Variants in ATP8B4 observed in about 807,000 individuals in gnomAD.
The protein encoded by ATP8B4 is ATPase phospholipid transporting 8B4 (putative).
In ATP8B4, 133 loss-of-function variants were observed where a neutral mutation model predicts 145.6. The observed-to-expected ratio is 0.91, with a 90% CI of 0.79 to 1.05. The LOEUF is 1.05. Among genes scored for constraint, ATP8B4 ranks in the 50% least tolerant of loss-of-function variants. ATP8B4 has a pLI of 0.00. For missense variants in ATP8B4, 1,458 were observed against 1,425.2 expected, an observed-to-expected ratio of 1.02 and a Z score of -0.37; for synonymous variants, 507 against 492.9, an observed-to-expected ratio of 1.03 and a Z score of -0.38.
chr15:49,970,334 C>G (rs1035102170), intron 13 of ATP8B4, among the ~76,000 whole-genome samples: 1 of 152,162 alleles, frequency 6.6e-6, no homozygotes, highest in East Asian at 1.9e-4. Flanking sequence ...ATCAAATTGT[C>G]TCTGTTTGCA....
At chr15:50,056,693 GTATATGTGTATATATA>G (rs2052623318) in intron 3 of ATP8B4, among the ~76,000 whole-genome samples, 1 of 140,608 alleles carries the variant, frequency 7.1e-6, no homozygotes, top group Admixed American at 7.0e-5. Flanking sequence ...ATATGTATAT[GTATATGTGTATATATA>G]TATATATACA....
intron 1 of ATP8B4, among the ~76,000 whole-genome samples, chr15:50,178,739 T>C (rs879899801): frequency 1.3e-5 from 2 of 152,230 alleles, no homozygotes; most frequent in African/African-American, 2.4e-5. Context: ...TTATTGTTAC[T>C]GTCTTTAAAA....
At chr15:49,970,730 C>G (rs1161784867) in intron 13 of ATP8B4, among the ~76,000 whole-genome samples, 1 of 152,180 alleles carries the variant, frequency 6.6e-6, no homozygotes. Flanking sequence ...CTATCCCCAT[C>G]AAGCTACCAT....
intron 2 of ATP8B4, among the ~76,000 whole-genome samples, chr15:50,093,951 G>C (rs2055784222): frequency 6.6e-6 from 1 of 152,102 alleles, no homozygotes; most frequent in Non-Finnish European, 1.5e-5. Flanking sequence ...CTCTAAATTT[G>C]TATGCATCCA....
At chr15:50,150,622 G>A (rs1295112827) in intron 1 of ATP8B4, among the ~76,000 whole-genome samples, 1 of 152,186 alleles carries the variant, frequency 6.6e-6, no homozygotes, top group Non-Finnish European at 1.5e-5. Context: ...GAAGCTCTCA[G>A]GCTAGCCTAC....
intron 1 of ATP8B4, 26 bp from the exon 2 acceptor site, chr15:50,107,034 G>C (rs760677020): frequency 9.1e-6 from 13 of 1,423,438 alleles, no homozygotes; most frequent in Non-Finnish European, 1.0e-5. Flanking sequence ...ATGCATATTA[G>C]TATCTGAAAA....
At chr15:49,922,633 G>A (rs899550210) in intron 17 of ATP8B4, among the ~76,000 whole-genome samples, 1 of 152,154 alleles carries the variant, frequency 6.6e-6, no homozygotes, top group African/African-American at 2.4e-5. Flanking sequence ...AGAAACCAAT[G>A]AGAAAATGAC....
chr15:49,948,431 AGAGT>A (rs757276871), intron 14 of ATP8B4, among the ~76,000 whole-genome samples: 2 of 152,184 alleles, frequency 1.3e-5, no homozygotes, highest in Non-Finnish European at 2.9e-5. Flanking sequence ...CCTGGGTGAC[AGAGT>A]GAGACTCTGT....
Position 50,073,031 on chromosome 15 carries a change from C to T in ATP8B4, c.87+1096G>A, listed in dbSNP as rs1375714128. Among the ~76,000 whole-genome samples the T allele has an allele frequency of 5.5e-4, 64 of 117,182 alleles. 1 individual carries two copies. Among genetic ancestry groups the T allele is most frequent in the African/African-American group, 2.2e-3 (56 of 25,126 alleles). 76.9% of individuals were successfully genotyped at this position (117,182 alleles called of 152,430 possible). ...ATATATATATATATACACACACACACACACACACACACACACACACACTAT... is the reference window on the plus strand; with the variant it reads ...ATATATATATATATACACACACACATACACACACACACACACACACACTAT... On this transcript the variant is annotated intron_variant, in intron 3 of 27. Transcript: ENST00000284509.
intron 6 of ATP8B4, among the ~76,000 whole-genome samples, chr15:50,020,654 A>AACC (rs1192091989): frequency 2.6e-5 from 4 of 152,026 alleles, no homozygotes; most frequent in South Asian, 2.1e-4. Context: ...CCAGGCAGAA[A>AACC]ACCACCACCA....
At chr15:49,989,263 C>A (rs1164870840) in intron 9 of ATP8B4, among the ~76,000 whole-genome samples, 1 of 152,106 alleles carries the variant, frequency 6.6e-6, no homozygotes, top group Non-Finnish European at 1.5e-5. Flanking sequence ...AATTCAGTAT[C>A]TTTTTTTCTT....
upstream of ATP8B4, among the ~76,000 whole-genome samples, chr15:50,120,891 C>T (rs2057262772): frequency 6.6e-6 from 1 of 152,158 alleles, no homozygotes. Flanking sequence ...AGCTCCTACA[C>T]TTATCTGGGC....
chr15:50,149,200 G>A (rs1243598405), intron 1 of ATP8B4, among the ~76,000 whole-genome samples: 1 of 152,184 alleles, frequency 6.6e-6, no homozygotes, highest in Admixed American at 6.5e-5. Flanking sequence ...ATAATGCCAT[G>A]ATTGATTGGC....
intron 27 of ATP8B4, 90 bp downstream of exon 27, chr15:49,862,155 C>A: frequency 6.8e-7 from 1 of 1,462,040 alleles, no homozygotes; most frequent in Non-Finnish European, 9.3e-7. Flanking sequence ...ATTTCATTAG[C>A]CCATCTCTGA....
At position 49,934,145 on chromosome 15, in the gene ATP8B4, G is replaced by A. The variant is rs367926530; in HGVS notation, c.1325C>T (p.Ala442Val). 21 of 1,611,640 alleles carry A rather than the reference G, an allele frequency of 1.3e-5. No individual in the cohort carries two copies. The highest frequency in any genetic ancestry group is 5.5e-5 in the South Asian group (5 of 90,786). ...GTCAAAGAACTGAAATTCTCTATCC[G>A]CTTGAGATTTGACTGAGAAATCCAC... ...EPVDFSVKSQ[A>V]DREFQFFDHH... is the part of the protein sequence containing the mutation. The change falls in exon 15 of 28, where the codon GCG becomes GTG. Residue 442 changes from alanine (A) to valine (V), a missense_variant. Physicochemically the swap from Ala to Val is moderately conservative, Grantham distance 64. Coordinates refer to ENST00000284509, the MANE Select transcript of ATP8B4 (RefSeq NM_024837.4).
chr15:50,113,083 CT>C (rs1038208108), intron 1 of ATP8B4: 1 of 152,728 alleles, frequency 6.5e-6, no homozygotes, highest in African/African-American at 2.4e-5. Flanking sequence ...CCCTCTGGCC[CT>C]AGGTTCCCAG....
At chr15:49,885,282 A>G (rs1440561985) in intron 23 of ATP8B4, among the ~76,000 whole-genome samples, 4 of 152,192 alleles carry the variant, frequency 2.6e-5, no homozygotes, top group African/African-American at 9.7e-5. Flanking sequence ...CAAGGTATTC[A>G]TATGGAAGTT....
At chr15:49,922,368 T>C in intron 17 of ATP8B4, 1 of 446,706 alleles carries the variant, frequency 2.2e-6, no homozygotes, top group Non-Finnish European at 4.5e-6. Flanking sequence ...TCCAGTGTTG[T>C]GTTCATTAAA....
rs561050690 is a variant in ATP8B4 at position 50,002,641 on chromosome 15, A to C, written c.436-418T>G. On this transcript the variant is annotated intron_variant, in intron 7 of 27. Coordinates refer to ENST00000284509, the MANE Select transcript of ATP8B4 (RefSeq NM_024837.4). ...AGCAGGCAAAGGAGATGGGGAAAAG[A>C]CAGAAGGGAAATAGATGGAGGAAAC... Among the ~76,000 whole-genome samples, 6 of 152,186 alleles carry C rather than the reference A, an allele frequency of 3.9e-5. No homozygotes were observed. The South Asian group carries it at 6.2e-4, about 16-fold the overall frequency.
Sources: allele counts gnomAD v4.1 joint callset (sites outside exome capture counted in the v4.1 genomes callset), GRCh38; gene constraint gnomAD v4.1.1; transcripts MANE v1.5; gene names NCBI Gene and HGNC (gene_info 2026-07-23, HGNC 2026-07-21).